The following PKP2 variants were observed in gnomAD, a reference collection of about 807,000 sequenced individuals.
The protein encoded by PKP2 is plakophilin-2.
A neutral mutation model predicts 83.4 loss-of-function variants in PKP2; 73 were observed. That is an observed-to-expected ratio of 0.88 (90% CI 0.72 to 1.06). PKP2 has a LOEUF of 1.06. PKP2 is among the 50% of genes least tolerant of loss of function. PKP2 has a pLI of 0.00. For synonymous variants in PKP2, 409 were observed against 430.4 expected (o/e 0.95, Z 0.62); for missense variants, 966 against 1,065.4 (o/e 0.91, Z 1.30).
chr12:32,833,451 A>G (rs1218103279), intron 6 of PKP2, among the ~76,000 whole-genome samples: 4 of 152,132 alleles, frequency 2.6e-5, no homozygotes, highest in African/African-American at 7.2e-5. Context: ...TTTTCCAGAG[A>G]GTAGCTCATA....
chr12:32,821,392 T>C lies in PKP2; in HGVS notation c.1977A>G (p.Leu659=). The part of the protein sequence containing the change: ...SVRNYTQEAS[L]GALQNLTAGS... ...CGGCCGTGAGGTTCTGCAGAGCTCC[T>C]AAGGATGCTTCTTGTGTGTAGTTGC... The change falls in exon 9 of 13, where the codon TTA becomes TTG. Residue 659 remains leucine, a synonymous_variant. Coordinates refer to ENST00000340811, the MANE Select transcript of PKP2 (RefSeq NM_001005242.3). The C allele has an allele frequency of 6.2e-7, 1 of 1,614,180 alleles. No individual in the cohort carries two copies. The highest frequency in any genetic ancestry group is 8.5e-7 in the Non-Finnish European group (1 of 1,180,022).
intron 6 of PKP2, among the ~76,000 whole-genome samples, chr12:32,837,842 A>C (rs762379492): frequency 6.6e-6 from 1 of 152,104 alleles, no homozygotes; most frequent in African/African-American, 2.4e-5. Context: ...TAATACTATT[A>C]TTCTTCTTCT....
chr12:32,837,240 C>A (rs974608616), intron 6 of PKP2, among the ~76,000 whole-genome samples: 1 of 152,198 alleles, frequency 6.6e-6, no homozygotes. Context: ...GTGACAAATA[C>A]TAATGTATCT....
intron 3 of PKP2, among the ~76,000 whole-genome samples, chr12:32,874,286 G>A (rs1956915793): frequency 6.6e-6 from 1 of 152,164 alleles, no homozygotes; most frequent in African/African-American, 2.4e-5. Flanking sequence ...TGGTCTCAGG[G>A]CAGGTGTCCC....
chr12:32,860,415 T>A (rs1592754750), intron 4 of PKP2, among the ~76,000 whole-genome samples: 2 of 152,176 alleles, frequency 1.3e-5, no homozygotes, highest in African/African-American at 4.8e-5. Flanking sequence ...CTAGGAACAA[T>A]GACTATTCTT....
chr12:32,835,062 C>CT (rs993061654), intron 6 of PKP2, among the ~76,000 whole-genome samples: 13 of 80,498 alleles, frequency 1.6e-4, no homozygotes, highest in African/African-American at 5.0e-4. Context: ...TTTTTTTTTT[C>CT]TTTTTTTTTG....
At chr12:32,828,928 A>AT (rs11316792) in intron 6 of PKP2, among the ~76,000 whole-genome samples, 3,607 of 151,494 alleles carry the variant, frequency 0.024, 57 homozygotes, top group Middle Eastern at 0.068. Flanking sequence ...GGAGGCAGAA[A>AT]TTTTTTTTTG....
At chr12:32,846,601 C>T (rs1956646629) in intron 5 of PKP2, among the ~76,000 whole-genome samples, 1 of 152,030 alleles carries the variant, frequency 6.6e-6, no homozygotes, top group Admixed American at 6.6e-5. Context: ...CAAAATTAGC[C>T]AGGCATAGTG....
At position 32,878,332 on chromosome 12, in the gene PKP2, C is replaced by T. The variant is rs373222905; in HGVS notation, c.548G>A (p.Ser183Asn). ...TGGCACTAGGAGGGCGGCCCGCCTG[C>T]TTTCTTGGTGGTGCAGGGTGTGCCC... ...QAGHTLHHQE[S>N]RRAALLVPPR... is the part of the protein sequence containing the mutation. The change falls in exon 3 of 13, where the codon AGC (serine) becomes AAC (asparagine). Residue 183 changes from serine to asparagine, a missense_variant. By Grantham distance (46) the Ser-to-Asn change is conservative. Transcript: ENST00000340811. The T allele has an allele frequency of 4.9e-5, 79 of 1,612,914 alleles. No individual in the cohort carries two copies. The highest frequency in any genetic ancestry group is 2.2e-4 in the East Asian group (10 of 44,872).
chr12:32,818,141 G>A (rs921202356), intron 9 of PKP2, among the ~76,000 whole-genome samples: 15 of 152,172 alleles, frequency 9.9e-5, no homozygotes, highest in Admixed American at 4.6e-4. Flanking sequence ...ATTTTTTTCC[G>A]ATCGATATTA....
chr12:32,827,273 G>C (rs1372898207), intron 6 of PKP2, among the ~76,000 whole-genome samples: 1 of 152,178 alleles, frequency 6.6e-6, no homozygotes. Context: ...GACTTATCAG[G>C]GGTTTCTGGC....
At chr12:32,863,128 A>G (rs766449886) in intron 4 of PKP2, 24 of 165,624 alleles carry the variant, frequency 1.4e-4, no homozygotes, top group Middle Eastern at 6.3e-3. Context: ...CTGTAGTCCG[A>G]GGCCATTTTT....
chr12:32,843,020 C>T (rs1422157599), intron 5 of PKP2, among the ~76,000 whole-genome samples: 1 of 149,688 alleles, frequency 6.7e-6, no homozygotes, highest in East Asian at 2.0e-4. Flanking sequence ...CACTCGGTAA[C>T]CTAGGCTGGA....
Position 32,896,367 on chromosome 12 carries a change from T to G in PKP2, c.223+142A>C, listed in dbSNP as rs189343703. ...GAAAAGAGTGCTTTCCACAAGCAAG[T>G]CGGTCATACCGAAGACGGCGAGCAA... On this transcript the variant is annotated intron_variant, in intron 1 of 12. Coordinates refer to ENST00000340811, the MANE Select transcript of PKP2 (RefSeq NM_001005242.3). The G allele has an allele frequency of 3.0e-3, 1,763 of 584,606 alleles. 25 individuals carry two copies. In the African/African-American group the frequency reaches 0.031, roughly 10 times the overall value. 36.2% of individuals were successfully genotyped at this position (584,606 alleles called of 1,614,324 possible).
intron 5 of PKP2, among the ~76,000 whole-genome samples, chr12:32,848,026 T>G (rs1051920167): frequency 1.3e-5 from 2 of 152,190 alleles, no homozygotes; most frequent in African/African-American, 4.8e-5. Context: ...TAAATGTTGG[T>G]TAAATGAATG....
At chr12:32,859,012 G>C (rs1358104189) in intron 4 of PKP2, among the ~76,000 whole-genome samples, 3 of 152,096 alleles carry the variant, frequency 2.0e-5, no homozygotes, top group Non-Finnish European at 4.4e-5. Context: ...AAGCTGGTAG[G>C]TTACTCTATT....
chr12:32,853,430 T>C (rs931917612), intron 4 of PKP2, among the ~76,000 whole-genome samples: 2 of 150,770 alleles, frequency 1.3e-5, no homozygotes, highest in Non-Finnish European at 3.0e-5. Context: ...ACACAATTTA[T>C]GTTAAAACAA....
chr12:32,870,313 G>A (rs1318738969), intron 3 of PKP2, among the ~76,000 whole-genome samples: 1 of 152,062 alleles, frequency 6.6e-6, no homozygotes, highest in Non-Finnish European at 1.5e-5. Flanking sequence ...GGTGGGGGCG[G>A]TGCAGGTGGG....
At chr12:32,863,766 T>C (rs1956821869) in intron 4 of PKP2, among the ~76,000 whole-genome samples, 1 of 152,182 alleles carries the variant, frequency 6.6e-6, no homozygotes, top group South Asian at 2.1e-4. Context: ...AATAATACCA[T>C]TTCTAACCAA....
Sources: allele counts gnomAD v4.1 joint callset (sites outside exome capture counted in the v4.1 genomes callset), GRCh38; gene constraint gnomAD v4.1.1; transcripts MANE v1.5; gene names NCBI Gene and HGNC (gene_info 2026-07-23, HGNC 2026-07-21).